AKR1C8: variants seen among roughly 807,000 people sequenced by gnomAD.
The protein encoded by AKR1C8 is aldo-keto reductase family 1 member C-like protein 1.
the AKR1C8 span, among the ~76,000 whole-genome samples, chr10:5,147,433 T>C: frequency 6.6e-6 from 1 of 152,136 alleles, no homozygotes; most frequent in Non-Finnish European, 1.5e-5. Flanking sequence ...AAGTTCCTGC[T>C]GGTTATGAGC....
chr10:5,122,904 A>G, the AKR1C8 span, among the ~76,000 whole-genome samples: 2 of 152,172 alleles, frequency 1.3e-5, no homozygotes, highest in Non-Finnish European at 2.9e-5. Flanking sequence ...AAGAGAATAT[A>G]TGAAATTCAT....
chr10:5,142,113 T>C, the AKR1C8 span, among the ~76,000 whole-genome samples: 1 of 152,126 alleles, frequency 6.6e-6, no homozygotes, highest in Non-Finnish European at 1.5e-5. Flanking sequence ...TTGCACTTTT[T>C]TGTTATGGAA....
chr10:5,174,000 C>T, the AKR1C8 span, among the ~76,000 whole-genome samples: 1 of 151,776 alleles, frequency 6.6e-6, no homozygotes, highest in Admixed American at 6.6e-5. Context: ...TATACACATA[C>T]ACAACAAATT....
the AKR1C8 span, among the ~76,000 whole-genome samples, chr10:5,141,255 A>G: frequency 2.0e-5 from 3 of 152,120 alleles, no homozygotes; most frequent in Non-Finnish European, 4.4e-5. Flanking sequence ...TTTATCATGA[A>G]ATTACAGCAA....
chr10:5,184,811 C>A, the AKR1C8 span, among the ~76,000 whole-genome samples: 1 of 152,242 alleles, frequency 6.6e-6, no homozygotes, highest in East Asian at 1.9e-4. Flanking sequence ...TCAGAATCCC[C>A]ACAATCAATA....
the AKR1C8 span, among the ~76,000 whole-genome samples, chr10:5,129,094 G>A: frequency 0.016 from 2,456 of 152,098 alleles, 21 homozygotes; most frequent in Admixed American, 0.029. Context: ...TCAGAACACA[G>A]TGGAATAAAA....
At chr10:5,121,534 T>A in the AKR1C8 span, among the ~76,000 whole-genome samples, 2 of 152,076 alleles carry the variant, frequency 1.3e-5, no homozygotes, top group Non-Finnish European at 2.9e-5. Context: ...ATAAATGGTG[T>A]CCTGAAAAGG....
At chr10:5,154,018 TAAAG>T in the AKR1C8 span, 253 of 262,518 alleles carry the variant, frequency 9.6e-4, 1 homozygote, top group African/African-American at 5.4e-3. Flanking sequence ...TTTCATAAAA[TAAAG>T]AAAGGCAAGC....
At chr10:5,164,035 T>C in the AKR1C8 span, among the ~76,000 whole-genome samples, 1 of 152,132 alleles carries the variant, frequency 6.6e-6, no homozygotes, top group Non-Finnish European at 1.5e-5. Context: ...GACACTTTTC[T>C]TTTTTGGACA....
chr10:5,145,331 A>T, the AKR1C8 span, among the ~76,000 whole-genome samples: 1 of 152,102 alleles, frequency 6.6e-6, no homozygotes, highest in South Asian at 2.1e-4. Context: ...GCAACAAAAG[A>T]CAAAATTGAC....
At chr10:5,140,093 T>C in the AKR1C8 span, among the ~76,000 whole-genome samples, 1 of 152,018 alleles carries the variant, frequency 6.6e-6, no homozygotes, top group Non-Finnish European at 1.5e-5. Context: ...AAAACCACAA[T>C]GAGATACCAT....
the AKR1C8 span, among the ~76,000 whole-genome samples, chr10:5,170,528 C>T: frequency 6.6e-6 from 1 of 152,122 alleles, no homozygotes; most frequent in South Asian, 2.1e-4. Flanking sequence ...TAAAGCCAAC[C>T]CCATTTATGA....
At chr10:5,145,633 C>G in the AKR1C8 span, among the ~76,000 whole-genome samples, 1 of 152,292 alleles carries the variant, frequency 6.6e-6, no homozygotes, top group South Asian at 2.1e-4. Flanking sequence ...AAATGCAAAT[C>G]AAAACCACAG....
chr10:5,174,379 T>C, the AKR1C8 span, among the ~76,000 whole-genome samples: 2 of 152,046 alleles, frequency 1.3e-5, no homozygotes, highest in African/African-American at 4.8e-5. Flanking sequence ...CACGTGACTT[T>C]AATCTTTACA....
chr10:5,183,353 C>T, the AKR1C8 span, among the ~76,000 whole-genome samples: 3 of 152,042 alleles, frequency 2.0e-5, no homozygotes, highest in Admixed American at 6.6e-5. Context: ...CTCCATACAC[C>T]GAAATCGTAA....
the AKR1C8 span, among the ~76,000 whole-genome samples, chr10:5,167,030 A>G: frequency 6.6e-6 from 1 of 152,372 alleles, no homozygotes; most frequent in East Asian, 1.9e-4. Flanking sequence ...GACACATGAA[A>G]AAATGCTCAT....
At chr10:5,144,854 C>T in the AKR1C8 span, among the ~76,000 whole-genome samples, 11 of 152,272 alleles carry the variant, frequency 7.2e-5, no homozygotes, top group East Asian at 1.9e-4. Flanking sequence ...TAATTGACTA[C>T]GCTTTATTTC....
At chr10:5,122,578 A>C in the AKR1C8 span, among the ~76,000 whole-genome samples, 1 of 152,286 alleles carries the variant, frequency 6.6e-6, no homozygotes, top group East Asian at 1.9e-4. Flanking sequence ...AACCCTTAAA[A>C]CACGGAACAA....
the AKR1C8 span, among the ~76,000 whole-genome samples, chr10:5,166,519 C>G: frequency 1.3e-5 from 2 of 151,896 alleles, no homozygotes; most frequent in East Asian, 1.9e-4. Context: ...ACAAACCTGA[C>G]AAAAACAAGA....
Sources: gnomAD v4.1 joint callset for allele counts (sites outside exome capture counted in the v4.1 genomes callset) on GRCh38, gnomAD v4.1.1 for gene constraint, MANE v1.5 for transcripts, NCBI Gene and HGNC (gene_info 2026-07-23, HGNC 2026-07-21) for gene names.